The following STPG2 variants were observed in gnomAD, a reference collection of about 807,000 sequenced individuals.
STPG2 encodes sperm-tail PG-rich repeat-containing protein 2.
In STPG2, 56 loss-of-function variants were observed where a neutral mutation model predicts 54.2. The ratio of observed to expected loss-of-function variants is 1.03; its 90% CI spans 0.83 to 1.29. The LOEUF is 1.29. Ranked by LOEUF, STPG2 falls within the 50% of genes most tolerant of loss-of-function variation. The probability of loss-of-function intolerance (pLI) is 0.00; values close to 1 mark genes in which losing one functional copy is unlikely to be tolerated. For synonymous variants in STPG2, 200 were observed against 181.8 expected, an observed-to-expected ratio of 1.10 and a Z score of -0.81; for missense variants, 596 against 544.9, an observed-to-expected ratio of 1.09 and a Z score of -0.93.
chr4:97,635,595 C>T (rs1044302817), intron 10 of STPG2, among the ~76,000 whole-genome samples: 3 of 152,078 alleles, frequency 2.0e-5, no homozygotes, highest in African/African-American at 4.8e-5. Flanking sequence ...TCAGGAAACC[C>T]GTCTCACGTG....
chr4:98,128,596 C>A lies in STPG2; in HGVS notation c.223-4G>T. On this transcript the variant is annotated splice_polypyrimidine_tract_variant and splice_region_variant and intron_variant, in intron 2 of 10. Transcript: ENST00000295268. Reference sequence around the variant, plus strand: ...GTGTAGGTGATCTTGAAATTTTCTGCAAGGAAAACATTTTATATTATTTAT... The same window carrying A: ...GTGTAGGTGATCTTGAAATTTTCTGAAAGGAAAACATTTTATATTATTTAT... 1 of 1,568,458 alleles carries A rather than the reference C, an allele frequency of 6.4e-7. No individual in the cohort carries two copies. Among genetic ancestry groups the A allele is most frequent in the South Asian group, 1.2e-5 (1 of 82,526 alleles).
intron 8 of STPG2, 64 bp from the exon 9 acceptor site, chr4:97,840,996 C>A: frequency 2.0e-6 from 3 of 1,496,856 alleles, no homozygotes; most frequent in Non-Finnish European, 2.7e-6. Flanking sequence ...AAGAAGATAC[C>A]AGATGGATGG....
chr4:98,134,980 G>A (rs893963052), intron 1 of STPG2, among the ~76,000 whole-genome samples: 2 of 151,654 alleles, frequency 1.3e-5, no homozygotes, highest in Non-Finnish European at 3.0e-5. Context: ...CTAAACAAAG[G>A]TTTACAAATA....
intron 9 of STPG2, among the ~76,000 whole-genome samples, chr4:97,801,048 C>T (rs190795028): frequency 6.6e-5 from 10 of 152,238 alleles, no homozygotes; most frequent in Admixed American, 1.3e-4. Flanking sequence ...GTATTAGGGT[C>T]GGACTGACCC....
chr4:98,060,482 C>T (rs767174011), intron 5 of STPG2, among the ~76,000 whole-genome samples: 40 of 152,198 alleles, frequency 2.6e-4, no homozygotes, highest in Non-Finnish European at 4.0e-4. Context: ...GTTAAAATGG[C>T]CATACTGCCC....
At chr4:97,919,564 T>A (rs1171105783) in intron 8 of STPG2, among the ~76,000 whole-genome samples, 3 of 151,942 alleles carry the variant, frequency 2.0e-5, no homozygotes, top group African/African-American at 7.2e-5. Context: ...GCAAATATAT[T>A]TGGCAATTTG....
At chr4:97,923,035 C>G (rs1055172234) in intron 8 of STPG2, among the ~76,000 whole-genome samples, 3 of 152,254 alleles carry the variant, frequency 2.0e-5, no homozygotes, top group Non-Finnish European at 4.4e-5. Context: ...GTTTTCCACA[C>G]TGGTTTCCCA....
chr4:97,495,750 A>T (rs1350472040), intron 4 of STPG2, among the ~76,000 whole-genome samples: 1 of 150,260 alleles, frequency 6.7e-6, no homozygotes. Flanking sequence ...AGTAAGCCAA[A>T]TTCTAAAATT....
chr4:97,568,165 T>C (rs1224542991), intron 10 of STPG2, among the ~76,000 whole-genome samples: 1 of 152,206 alleles, frequency 6.6e-6, no homozygotes, highest in Non-Finnish European at 1.5e-5. Flanking sequence ...TTGAACATAC[T>C]TTAAAAAAAA....
intron 5 of STPG2, among the ~76,000 whole-genome samples, chr4:97,998,155 T>C (rs1330026983): frequency 1.3e-5 from 2 of 152,176 alleles, no homozygotes; most frequent in Non-Finnish European, 2.9e-5. Flanking sequence ...CTCTTATCCC[T>C]GTAATCCCAT....
intron 4 of STPG2, among the ~76,000 whole-genome samples, chr4:97,446,398 C>T (rs1032771902): frequency 5.3e-5 from 8 of 152,062 alleles, no homozygotes; most frequent in South Asian, 2.1e-4. Context: ...TCTAGAAGAG[C>T]GATACAAATA....
intron 8 of STPG2, among the ~76,000 whole-genome samples, chr4:97,847,992 GTCT>G (rs899450351): frequency 6.6e-6 from 1 of 152,006 alleles, no homozygotes; most frequent in Non-Finnish European, 1.5e-5. Context: ...TTAGCTTTAG[GTCT>G]TCTAGTCCCC....
intron 10 of STPG2, among the ~76,000 whole-genome samples, chr4:97,681,238 T>C (rs1242981212): frequency 1.3e-5 from 2 of 151,892 alleles, no homozygotes; most frequent in Non-Finnish European, 2.9e-5. Flanking sequence ...TTTTGAATGA[T>C]ATTGAGTGTT....
At chr4:97,958,862 T>C (rs1040153468) in intron 7 of STPG2, among the ~76,000 whole-genome samples, 2 of 151,980 alleles carry the variant, frequency 1.3e-5, no homozygotes, top group African/African-American at 4.8e-5. Flanking sequence ...CTATGCCCTA[T>C]GACAAATGGA....
At chr4:97,780,973 A>G (rs1282729955) in intron 9 of STPG2, among the ~76,000 whole-genome samples, 1 of 152,228 alleles carries the variant, frequency 6.6e-6, no homozygotes, top group Non-Finnish European at 1.5e-5. Context: ...CCCACAAGAG[A>G]AAGCGGCAAA....
chr4:97,463,179 T>G (rs1249943283), intron 4 of STPG2, among the ~76,000 whole-genome samples: 1 of 152,186 alleles, frequency 6.6e-6, no homozygotes, highest in East Asian at 1.9e-4. Context: ...GTCTTTTACA[T>G]TTTTCATCTC....
At chr4:97,698,397 G>A (rs779870649) in intron 10 of STPG2, among the ~76,000 whole-genome samples, 4 of 152,102 alleles carry the variant, frequency 2.6e-5, no homozygotes, top group East Asian at 1.9e-4. Context: ...TAACTCCAGC[G>A]AACACTGTAA....
At chr4:97,482,225 G>T (rs1730239487) in intron 4 of STPG2, among the ~76,000 whole-genome samples, 1 of 151,248 alleles carries the variant, frequency 6.6e-6, no homozygotes, top group Admixed American at 6.6e-5. Flanking sequence ...TATTGAATAT[G>T]ATTTAAACAG....
intron 4 of STPG2, among the ~76,000 whole-genome samples, chr4:97,469,068 T>C (rs993678679): frequency 3.3e-5 from 5 of 152,040 alleles, no homozygotes; most frequent in African/African-American, 4.8e-5. Context: ...TTCTATGAAA[T>C]ATGGATGAGA....
Sources: allele counts gnomAD v4.1 joint callset (sites outside exome capture counted in the v4.1 genomes callset), GRCh38; gene constraint gnomAD v4.1.1; transcripts MANE v1.5; gene names NCBI Gene and HGNC (gene_info 2026-07-23, HGNC 2026-07-21).